DPP6: variants seen among roughly 807,000 people sequenced by gnomAD.
DPP6 encodes A-type potassium channel modulatory protein DPP6.
In DPP6, 69 loss-of-function variants were observed where a neutral mutation model predicts 122.6. The observed-to-expected ratio is 0.56, with a 90% confidence interval of 0.46 to 0.69. The LOEUF (loss-of-function observed/expected upper bound fraction) is 0.69, where lower values mean the gene tolerates loss of function less well. Among genes scored for constraint, DPP6 ranks in the 30% least tolerant of loss-of-function variants. The probability of loss-of-function intolerance (pLI) is 0.00; values close to 1 mark genes in which losing one functional copy is unlikely to be tolerated. For missense variants in DPP6, 928 were observed against 1,116.9 expected, an observed-to-expected ratio of 0.83 and a Z score of 2.41; for synonymous variants, 418 against 433.1, an observed-to-expected ratio of 0.97 and a Z score of 0.43.
intron 1 of DPP6, among the ~76,000 whole-genome samples, chr7:153,928,217 CTTTTTTTT>C (rs562514728): frequency 7.1e-6 from 1 of 141,268 alleles, no homozygotes; most frequent in Non-Finnish European, 1.6e-5. Flanking sequence ...TTCTTTTTTT[CTTTTTTTT>C]TTTTGAGATG....
At chr7:154,594,594 C>G (rs1420954212) in intron 5 of DPP6, among the ~76,000 whole-genome samples, 1 of 152,138 alleles carries the variant, frequency 6.6e-6, no homozygotes, top group African/African-American at 2.4e-5. Context: ...GCCATCTAAT[C>G]ATATCCACTC....
chr7:153,784,974 G>A, the DPP6 span, among the ~76,000 whole-genome samples: 3 of 152,140 alleles, frequency 2.0e-5, no homozygotes, highest in African/African-American at 7.2e-5. Context: ...TTGCTGGGGC[G>A]AGAATGCAGT....
intron 1 of DPP6, among the ~76,000 whole-genome samples, chr7:153,910,555 C>CT (rs1800044902): frequency 1.3e-5 from 2 of 152,172 alleles, no homozygotes; most frequent in Non-Finnish European, 2.9e-5. Context: ...TAAGCAGAAT[C>CT]TGTGTTCTGA....
chr7:154,707,311 C>T (rs969823306), intron 7 of DPP6, among the ~76,000 whole-genome samples: 6 of 152,134 alleles, frequency 3.9e-5, no homozygotes, highest in African/African-American at 7.2e-5. Context: ...GAGGCAAGCA[C>T]GGCAGGTGTA....
chr7:154,501,690 G>A (rs1005199412), intron 3 of DPP6, among the ~76,000 whole-genome samples: 24 of 152,220 alleles, frequency 1.6e-4, no homozygotes, highest in African/African-American at 5.8e-4. Context: ...GCAGAAGTTT[G>A]CTGCAGGGGT....
At chr7:154,545,470 CCCTTCCTT>C (rs772501516) in intron 4 of DPP6, among the ~76,000 whole-genome samples, 1 of 124,302 alleles carries the variant, frequency 8.0e-6, no homozygotes, top group Non-Finnish European at 1.6e-5. Context: ...CTCCCTCCCT[CCCTTCCTT>C]CCTTCCTTCC....
intron 4 of DPP6, among the ~76,000 whole-genome samples, chr7:154,563,771 G>A (rs1261363962): frequency 1.3e-5 from 2 of 152,130 alleles, no homozygotes; most frequent in South Asian, 4.1e-4. Flanking sequence ...ATTGACTTGA[G>A]GTATCCATTT....
chr7:154,473,836 G>T (rs1018228309), intron 2 of DPP6, among the ~76,000 whole-genome samples: 23 of 152,128 alleles, frequency 1.5e-4, no homozygotes, highest in African/African-American at 5.6e-4. Flanking sequence ...CAGCTCTAGA[G>T]CCACTGAATG....
chr7:153,948,611 G>GT (rs1554415447), intron 1 of DPP6, among the ~76,000 whole-genome samples: 1 of 108,524 alleles, frequency 9.2e-6, no homozygotes, highest in African/African-American at 2.9e-5. Flanking sequence ...CTTCCTCACT[G>GT]TTTTTTTATT....
intron 1 of DPP6, among the ~76,000 whole-genome samples, chr7:154,150,430 G>A (rs1368067591): frequency 1.3e-5 from 2 of 152,306 alleles, no homozygotes; most frequent in East Asian, 1.9e-4. Context: ...GTGGAGACAT[G>A]GCTTTTTCTG....
intron 16 of DPP6, among the ~76,000 whole-genome samples, chr7:154,829,526 G>A (rs1432715677): frequency 1.3e-5 from 2 of 150,220 alleles, no homozygotes; most frequent in Admixed American, 6.6e-5. Flanking sequence ...ATGGAGAGAG[G>A]GAGGAAGGGA....
At chr7:154,116,218 A>C (rs1480726171) in intron 1 of DPP6, among the ~76,000 whole-genome samples, 3 of 152,190 alleles carry the variant, frequency 2.0e-5, no homozygotes, top group Non-Finnish European at 4.4e-5. Flanking sequence ...TCCAAGGAAA[A>C]ATTTCATAAA....
chr7:154,052,519 A>C lies in DPP6; in HGVS notation c.-302A>C. On this transcript the variant is annotated 5_prime_UTR_variant, in exon 1 of 26. Transcript: ENST00000377770. The surrounding 1 kb of genome is among the most constrained non-coding windows in gnomAD (Gnocchi z 4.8). ...GATTAGGCCGTACGTGGCTGTGGCA[A>C]GGAGTTGGGGAAAAAAATTATAAAA... 1.5e-6 allele frequency: 1 copy of C among 687,410 alleles called. No individual in the cohort carries two copies. Among genetic ancestry groups the C allele is most frequent in the Non-Finnish European group, 1.9e-6 (1 of 528,106 alleles). 42.6% of individuals were successfully genotyped at this position (687,410 alleles called of 1,614,324 possible).
chr7:153,866,408 G>C, the DPP6 span, among the ~76,000 whole-genome samples: 1 of 152,208 alleles, frequency 6.6e-6, no homozygotes, highest in Non-Finnish European at 1.5e-5. Context: ...GGCCAGTGAT[G>C]ATGAGCATTT....
chr7:153,807,723 C>T, the DPP6 span, among the ~76,000 whole-genome samples: 3 of 151,770 alleles, frequency 2.0e-5, no homozygotes, highest in African/African-American at 7.3e-5. Context: ...AGCTCAGCTG[C>T]AGGAGGAGGG....
chr7:154,050,171 G>A (rs1297004969), upstream of DPP6, among the ~76,000 whole-genome samples: 3 of 152,172 alleles, frequency 2.0e-5, no homozygotes, highest in Non-Finnish European at 4.4e-5. Flanking sequence ...TGTTGCTTAT[G>A]AGTTTTATGG....
At chr7:154,438,032 A>C (rs981598790) in intron 1 of DPP6, among the ~76,000 whole-genome samples, 1 of 152,318 alleles carries the variant, frequency 6.6e-6, no homozygotes, top group African/African-American at 2.4e-5. Context: ...TGTAGCTAGA[A>C]TATGCCGCAG....
chr7:154,473,052 T>C (rs544937480), intron 2 of DPP6, among the ~76,000 whole-genome samples: 2 of 152,324 alleles, frequency 1.3e-5, no homozygotes, highest in East Asian at 3.9e-4. Context: ...ATAGATACCT[T>C]AAGTTGCATG....
intron 5 of DPP6, among the ~76,000 whole-genome samples, chr7:154,626,269 TA>T (rs1835061965): frequency 6.6e-6 from 1 of 152,240 alleles, no homozygotes. Flanking sequence ...AGGAAATATA[TA>T]TTTTGTAATT....
Sources: gnomAD v4.1 joint callset for allele counts (sites outside exome capture counted in the v4.1 genomes callset) on GRCh38, gnomAD v4.1.1 for gene constraint, Gnocchi (gnomAD v3.1) non-coding constraint, MANE v1.5 for transcripts, NCBI Gene and HGNC (gene_info 2026-07-23, HGNC 2026-07-21) for gene names.